The following SGCZ variants were observed in gnomAD, a reference collection of about 807,000 sequenced individuals.
SGCZ encodes sarcoglycan zeta.
In SGCZ, 40 loss-of-function variants were observed where a neutral mutation model predicts 41.3. The ratio of observed to expected loss-of-function variants is 0.97; its 90% CI spans 0.75 to 1.26. The LOEUF is 1.26. Ranked by LOEUF, SGCZ falls within the 50% of genes most tolerant of loss-of-function variation. SGCZ has a pLI of 0.00. For missense variants in SGCZ, 552 were observed against 369.8 expected (o/e 1.49, Z -4.04); for synonymous variants, 206 against 137.5 (o/e 1.50, Z -3.49).
At chr8:14,405,011 G>A (rs1341762537) in intron 2 of SGCZ, among the ~76,000 whole-genome samples, 1 of 152,166 alleles carries the variant, frequency 6.6e-6, no homozygotes. Context: ...CATCCAGCCT[G>A]GTGAGGCAGC....
intron 1 of SGCZ, among the ~76,000 whole-genome samples, chr8:14,680,377 G>A (rs1808403495): frequency 6.6e-6 from 1 of 152,074 alleles, no homozygotes; most frequent in East Asian, 1.9e-4. Context: ...TGTCAGTATA[G>A]GTTAACCAGC....
chr8:14,822,919 T>C (rs975785427), intron 1 of SGCZ, among the ~76,000 whole-genome samples: 2 of 151,988 alleles, frequency 1.3e-5, no homozygotes, highest in African/African-American at 4.8e-5. Flanking sequence ...CCAAATGTAG[T>C]GCCATGCCAC....
chr8:14,376,259 C>T (rs992469693), intron 2 of SGCZ, among the ~76,000 whole-genome samples: 2 of 151,692 alleles, frequency 1.3e-5, no homozygotes, highest in Non-Finnish European at 2.9e-5. Flanking sequence ...TGCAGTGAGC[C>T]GAGATCGTGC....
At chr8:15,213,624 T>A (rs564620059) in intron 1 of SGCZ, among the ~76,000 whole-genome samples, 1 of 151,882 alleles carries the variant, frequency 6.6e-6, no homozygotes, top group East Asian at 1.9e-4. Context: ...CATTCCTACA[T>A]AGATTTATAA....
chr8:15,201,769 A>T lies in SGCZ; in HGVS notation c.39+35816T>A, dbSNP rs191511682. Among the ~76,000 whole-genome samples, 411 of 152,320 alleles carry T rather than the reference A, an allele frequency of 2.7e-3. 3 individuals carry two copies. Among genetic ancestry groups the T allele is most frequent in the African/African-American group, 9.4e-3 (389 of 41,578 alleles). On this transcript the variant is annotated intron_variant, in intron 1 of 7. Coordinates refer to ENST00000382080, the MANE Select transcript of SGCZ (RefSeq NM_139167.4). Reference sequence around the variant, plus strand: ...TACCCCCACCTTCTGGCTTTTTGGTAACATACTTGAAAAGCAGGATACAGA... The same window carrying T: ...TACCCCCACCTTCTGGCTTTTTGGTTACATACTTGAAAAGCAGGATACAGA...
Position 14,126,422 on chromosome 8 carries a change from G to A in SGCZ, c.548-18187C>T, listed in dbSNP as rs150444138. Among the ~76,000 whole-genome samples the A allele has an allele frequency of 6.2e-3, 947 of 151,914 alleles. 7 individuals carry two copies. The highest frequency in any genetic ancestry group is 0.022 in the African/African-American group (902 of 41,480). On this transcript the variant is annotated intron_variant, in intron 5 of 7. Transcript: ENST00000382080. Reference sequence around the variant, plus strand: ...TAGAGAAATGCAAATCAAAACCACAGTGAGATACCATATTATGCCAGTCAG... The same window carrying A: ...TAGAGAAATGCAAATCAAAACCACAATGAGATACCATATTATGCCAGTCAG...
intron 1 of SGCZ, among the ~76,000 whole-genome samples, chr8:15,067,755 A>AT (rs1473251282): frequency 6.6e-6 from 1 of 152,132 alleles, no homozygotes; most frequent in East Asian, 1.9e-4. Context: ...TGCCTATTCT[A>AT]TGCCATGCAC....
intron 5 of SGCZ, among the ~76,000 whole-genome samples, chr8:14,144,185 C>A (rs1012637566): frequency 2.0e-5 from 3 of 152,136 alleles, no homozygotes; most frequent in African/African-American, 7.2e-5. Flanking sequence ...CATCATCCGT[C>A]CCATAACCCT....
intron 2 of SGCZ, among the ~76,000 whole-genome samples, chr8:14,361,225 G>C (rs1281203120): frequency 2.0e-5 from 3 of 152,098 alleles, no homozygotes; most frequent in Non-Finnish European, 4.4e-5. Context: ...TTTGAGTGTG[G>C]GCCAGCCTTG....
At chr8:15,104,052 T>C (rs978130359) in intron 1 of SGCZ, among the ~76,000 whole-genome samples, 2 of 152,164 alleles carry the variant, frequency 1.3e-5, no homozygotes, top group Non-Finnish European at 1.5e-5. Context: ...ACAACCATAT[T>C]TGATGCCCAA....
chr8:14,672,829 T>C (rs1808147606), intron 1 of SGCZ, among the ~76,000 whole-genome samples: 1 of 152,130 alleles, frequency 6.6e-6, no homozygotes, highest in African/African-American at 2.4e-5. Flanking sequence ...TATGAATAAA[T>C]GGTCTACATA....
chr8:14,356,846 A>G (rs145886302), intron 2 of SGCZ, among the ~76,000 whole-genome samples: 2,237 of 152,184 alleles, frequency 0.015, 55 homozygotes, highest in African/African-American at 0.051. Flanking sequence ...GTAAAATAGT[A>G]TATTTTTTCT....
chr8:15,037,099 G>A (rs567405478), intron 1 of SGCZ, among the ~76,000 whole-genome samples: 6 of 152,088 alleles, frequency 3.9e-5, no homozygotes, highest in Admixed American at 2.0e-4. Context: ...ACCTGAGCAC[G>A]ATAAAGGCTA....
chr8:14,577,320 A>C (rs1347020336), intron 1 of SGCZ, among the ~76,000 whole-genome samples: 1 of 152,154 alleles, frequency 6.6e-6, no homozygotes, highest in Non-Finnish European at 1.5e-5. Flanking sequence ...ACAGATCTTC[A>C]ACATTATCAA....
intron 2 of SGCZ, among the ~76,000 whole-genome samples, chr8:14,495,320 T>C (rs1198910584): frequency 6.6e-6 from 1 of 152,220 alleles, no homozygotes; most frequent in East Asian, 1.9e-4. Flanking sequence ...ACTTCTTTCA[T>C]TGAGTAACTA....
intron 3 of SGCZ, among the ~76,000 whole-genome samples, chr8:14,301,997 A>C (rs1033642582): frequency 1.3e-5 from 2 of 152,184 alleles, no homozygotes; most frequent in African/African-American, 4.8e-5. Flanking sequence ...ATTTAGAAAT[A>C]TCTGTCAACT....
At chr8:15,060,030 T>C (rs1030282889) in intron 1 of SGCZ, among the ~76,000 whole-genome samples, 2 of 152,146 alleles carry the variant, frequency 1.3e-5, no homozygotes, top group Admixed American at 6.5e-5. Context: ...TCTCAGGGCT[T>C]TGTTTGCAGC....
At chr8:14,391,583 G>T (rs542555253) in intron 2 of SGCZ, among the ~76,000 whole-genome samples, 2 of 152,092 alleles carry the variant, frequency 1.3e-5, no homozygotes, top group Admixed American at 1.3e-4. Flanking sequence ...ATTGGACAAG[G>T]CACCAGTTAG....
At chr8:15,028,786 A>G (rs888883539) in intron 1 of SGCZ, among the ~76,000 whole-genome samples, 2 of 152,074 alleles carry the variant, frequency 1.3e-5, no homozygotes, top group African/African-American at 4.8e-5. Flanking sequence ...TATCTAACTC[A>G]AAGACTACAT....
Sources: allele counts gnomAD v4.1 joint callset (sites outside exome capture counted in the v4.1 genomes callset), GRCh38; gene constraint gnomAD v4.1.1; transcripts MANE v1.5; gene names NCBI Gene and HGNC (gene_info 2026-07-23, HGNC 2026-07-21).